The following PMFBP1 variants were observed in gnomAD, a reference collection of about 807,000 sequenced individuals.
PMFBP1 encodes polyamine modulated factor 1 binding protein 1, also known as polyamine-modulated factor 1-binding protein 1.
PMFBP1 carries 131 observed loss-of-function variants against 137.8 expected under a neutral mutation model. The observed-to-expected ratio is 0.95, with a 90% CI of 0.82 to 1.10. PMFBP1 has a LOEUF of 1.10. Ranked by LOEUF, PMFBP1 falls within the 50% of genes least tolerant of loss-of-function variation. The probability of loss-of-function intolerance (pLI) is 0.00; values close to 1 mark genes in which losing one functional copy is unlikely to be tolerated. For missense variants in PMFBP1, 1,199 were observed against 1,175.4 expected (o/e 1.02, Z -0.29); for synonymous variants, 490 against 450.4 (o/e 1.09, Z -1.11).
the PMFBP1 span, among the ~76,000 whole-genome samples, chr16:72,217,806 T>A: frequency 3.9e-5 from 6 of 152,050 alleles, no homozygotes; most frequent in African/African-American, 1.4e-4. Context: ...TGAGCCAAGA[T>A]CAGCCTGGGC....
chr16:72,139,112 T>A (rs2042676957), intron 7 of PMFBP1, among the ~76,000 whole-genome samples, 177 bp downstream of exon 7: 1 of 152,170 alleles, frequency 6.6e-6, no homozygotes, highest in Admixed American at 6.5e-5. Context: ...ATGCTGCCTG[T>A]CTTTTGGGTT....
At chr16:72,209,578 AT>A in the PMFBP1 span, among the ~76,000 whole-genome samples, 1 of 152,138 alleles carries the variant, frequency 6.6e-6, no homozygotes, top group African/African-American at 2.4e-5. Context: ...TATATGTAAA[AT>A]TCAATATATG....
chr16:72,171,600 A>C, intron 1 of PMFBP1: 1 of 201,316 alleles, frequency 5.0e-6, no homozygotes, highest in Admixed American at 5.3e-5. Flanking sequence ...AGCTAATATT[A>C]TGTACTTATT....
At chr16:72,213,200 G>C in the PMFBP1 span, among the ~76,000 whole-genome samples, 30 of 149,688 alleles carry the variant, frequency 2.0e-4, no homozygotes, top group East Asian at 2.5e-3. Flanking sequence ...AAGAGCCCGG[G>C]GGGGGGTGGG....
chr16:72,197,059 C>G, the PMFBP1 span, among the ~76,000 whole-genome samples: 1 of 152,144 alleles, frequency 6.6e-6, no homozygotes, highest in Admixed American at 6.5e-5. Flanking sequence ...CAAGCAAGTC[C>G]AGGAAACACT....
intron 19 of PMFBP1, among the ~76,000 whole-genome samples, 157 bp downstream of exon 19, chr16:72,122,757 G>T (rs1365998853): frequency 5.3e-5 from 8 of 152,130 alleles, no homozygotes; most frequent in Non-Finnish European, 7.4e-5. Flanking sequence ...TATACCCAAG[G>T]TCACATAGAT....
chr16:72,196,014 TGTGTGTGTGTG>T, the PMFBP1 span, among the ~76,000 whole-genome samples: 4 of 148,234 alleles, frequency 2.7e-5, no homozygotes, highest in Non-Finnish European at 6.0e-5. Context: ...TGTGTGTGTG[TGTGTGTGTGTG>T]TGTGTGAAAG....
At chr16:72,177,467 C>G (rs563412221), upstream of PMFBP1, among the ~76,000 whole-genome samples, 1 of 152,244 alleles carries the variant, frequency 6.6e-6, no homozygotes, top group South Asian at 2.1e-4. Context: ...CTTTGTCTCT[C>G]CCCAAAGGTA....
chr16:72,131,492 C>T (rs1278147219), intron 10 of PMFBP1, among the ~76,000 whole-genome samples: 15 of 152,168 alleles, frequency 9.9e-5, no homozygotes, highest in Admixed American at 5.9e-4. Flanking sequence ...ACGCCTTTGC[C>T]TCCACTGGGT....
intron 5 of PMFBP1, among the ~76,000 whole-genome samples, chr16:72,145,300 G>A (rs1313010910): frequency 6.6e-6 from 1 of 152,184 alleles, no homozygotes; most frequent in Admixed American, 6.6e-5. Context: ...GTAACGAAAT[G>A]AAGGCAGAAA....
chr16:72,125,895 C>T, intron 15 of PMFBP1, 73 bp downstream of exon 15: 1 of 1,543,778 alleles, frequency 6.5e-7, no homozygotes, highest in Admixed American at 1.8e-5. Context: ...GAAATTGGCT[C>T]CTGTGCTTCT....
chr16:72,236,093 T>A, the PMFBP1 span, among the ~76,000 whole-genome samples: 1 of 152,194 alleles, frequency 6.6e-6, no homozygotes, highest in African/African-American at 2.4e-5. Context: ...GCATTTAGTC[T>A]TTCACCACTA....
the PMFBP1 span, among the ~76,000 whole-genome samples, chr16:72,197,938 G>A: frequency 6.6e-6 from 1 of 152,116 alleles, no homozygotes. Flanking sequence ...GCCACCCCAT[G>A]GGACATTTTT....
intron 9 of PMFBP1, among the ~76,000 whole-genome samples, chr16:72,133,813 C>T (rs1433085889): frequency 6.6e-6 from 1 of 152,160 alleles, no homozygotes; most frequent in East Asian, 1.9e-4. Context: ...GATCAGCAGA[C>T]TCCTGGGTAA....
chr16:72,118,763 C>CA (rs1555541151), downstream of PMFBP1, among the ~76,000 whole-genome samples: 5 of 134,180 alleles, frequency 3.7e-5, no homozygotes, highest in Admixed American at 7.0e-5. Context: ...CGGTGGTGGG[C>CA]GGGGGGGCAG....
chr16:72,221,460 G>A, the PMFBP1 span, among the ~76,000 whole-genome samples: 5 of 152,286 alleles, frequency 3.3e-5, no homozygotes, highest in South Asian at 2.1e-4. Context: ...GAAAGCAGAC[G>A]TGGAGATTAG....
chr16:72,209,106 T>G, the PMFBP1 span, among the ~76,000 whole-genome samples: 5 of 152,210 alleles, frequency 3.3e-5, no homozygotes, highest in African/African-American at 1.2e-4. Flanking sequence ...TCAGCCCCGG[T>G]GAGCCCTCTT....
Position 72,136,808 on chromosome 16 carries a change from G to T in PMFBP1, c.930C>A (p.His310Gln). Residue 310 changes from histidine to glutamine, a missense_variant, in exon 8 of 21, where the codon CAC becomes CAA. Coordinates refer to ENST00000237353, the MANE Select transcript of PMFBP1 (RefSeq NM_031293.3). Reference protein sequence around the residue: ...ECEDIKKILKHLQEQKDSQCL... With the variant: ...ECEDIKKILKQLQEQKDSQCL... ...ACTGGCTGTCTTTCTGCTCCTGCAA[G>T]TGCTTCAGTATCTGGCAGATGGAAG... 1 of 1,614,160 alleles carries T rather than the reference G, an allele frequency of 6.2e-7. No individual in the cohort carries two copies. Among genetic ancestry groups the T allele is most frequent in the Non-Finnish European group, 8.5e-7 (1 of 1,180,036 alleles).
chr16:72,204,025 G>A, the PMFBP1 span, among the ~76,000 whole-genome samples: 1 of 152,096 alleles, frequency 6.6e-6, no homozygotes, highest in Non-Finnish European at 1.5e-5. Context: ...TGTCCTTCCC[G>A]CTGCTTGGGA....
Sources: allele counts gnomAD v4.1 joint callset (sites outside exome capture counted in the v4.1 genomes callset), GRCh38; gene constraint gnomAD v4.1.1; transcripts MANE v1.5; gene names NCBI Gene and HGNC (gene_info 2026-07-23, HGNC 2026-07-21).